The following AFDN variants were observed in gnomAD, a reference collection of about 807,000 sequenced individuals.
The protein encoded by AFDN is afadin.
AFDN carries 68 observed loss-of-function variants against 216.6 expected under a neutral mutation model. The ratio of observed to expected loss-of-function variants is 0.31; its 90% CI spans 0.26 to 0.38. The LOEUF is 0.38. Among genes scored for constraint, AFDN ranks in the 10% least tolerant of loss-of-function variants. The pLI, the probability that AFDN is intolerant of heterozygous loss-of-function variation, is 1.00. For missense variants in AFDN, 2,136 were observed against 2,342.0 expected, an observed-to-expected ratio of 0.91 and a Z score of 1.82; for synonymous variants, 868 against 853.7, an observed-to-expected ratio of 1.02 and a Z score of -0.29.
At chr6:167,927,208 G>A (rs1792665419) in intron 23 of AFDN, among the ~76,000 whole-genome samples, 1 of 152,140 alleles carries the variant, frequency 6.6e-6, no homozygotes, top group Non-Finnish European at 1.5e-5. Context: ...GTTGTGGAGG[G>A]CATCTTGGGA....
chr6:167,880,068 A>G (rs1413149311), intron 5 of AFDN, among the ~76,000 whole-genome samples: 1 of 152,174 alleles, frequency 6.6e-6, no homozygotes, highest in Non-Finnish European at 1.5e-5. Flanking sequence ...CTCACTATAG[A>G]TACGGAAATC....
In AFDN at chr6:167,951,201, CAAG is replaced by C. The variant is rs1795936701; in HGVS notation, c.3853_3855del (p.Glu1285del). ...CTTTTTGCAGCGTGTTACACGTTCC[CAAG>C]AAGAACTTCGAGAAGATAAAGCTTA... On this transcript the variant is annotated inframe_deletion, in exon 30 of 34. Coordinates refer to ENST00000683244, the MANE Select transcript of AFDN (RefSeq NM_001386888.1). The surrounding 1 kb of genome is among the most constrained non-coding windows in gnomAD (Gnocchi z 7.1). 1.3e-6 allele frequency: 2 copies of C among 1,558,936 alleles called. No homozygotes were observed. The highest frequency in any genetic ancestry group is 1.7e-6 in the Non-Finnish European group (2 of 1,155,854).
At chr6:167,947,628 A>C (rs922313368) in intron 27 of AFDN, among the ~76,000 whole-genome samples, 1 of 152,216 alleles carries the variant, frequency 6.6e-6, no homozygotes, top group Non-Finnish European at 1.5e-5. Flanking sequence ...CCTGATACAC[A>C]GAGCTACAAA....
intron 6 of AFDN, among the ~76,000 whole-genome samples, chr6:167,888,118 C>G (rs995350831): frequency 2.6e-4 from 39 of 152,038 alleles, no homozygotes; most frequent in African/African-American, 8.9e-4. Context: ...AAGATTGAGA[C>G]TAAAGAGATG....
At chr6:167,939,035 G>T (rs1402531506) in intron 23 of AFDN, among the ~76,000 whole-genome samples, 1 of 152,142 alleles carries the variant, frequency 6.6e-6, no homozygotes, top group Non-Finnish European at 1.5e-5. Context: ...CTAAGTAACT[G>T]TCATTTTTTT....
chr6:167,887,002 G>A (rs1256863997), intron 6 of AFDN, among the ~76,000 whole-genome samples: 1 of 125,420 alleles, frequency 8.0e-6, no homozygotes, highest in African/African-American at 3.0e-5. Context: ...GTGACAGAGC[G>A]AGACTGTATC....
At chr6:167,826,887 G>A (rs1011334439), upstream of AFDN, 63 of 144,806 alleles carry the variant, frequency 4.4e-4, no homozygotes, top group African/African-American at 1.5e-3. Flanking sequence ...GGCGGGTGCG[G>A]GCGGCGGGCG....
chr6:167,961,489 T>C (rs1797031201), intron 30 of AFDN, among the ~76,000 whole-genome samples: 1 of 152,152 alleles, frequency 6.6e-6, no homozygotes, highest in Non-Finnish European at 1.5e-5. Flanking sequence ...CAACCTATAG[T>C]GCATAGAGAT....
intron 23 of AFDN, among the ~76,000 whole-genome samples, chr6:167,936,699 C>T (rs150052393): frequency 1.3e-3 from 194 of 152,204 alleles, no homozygotes; most frequent in African/African-American, 4.4e-3. Context: ...ATCTGACCAG[C>T]AGCAGAGGCA....
chr6:167,970,495 C>T lies in AFDN; in HGVS notation c.*560C>T, dbSNP rs1797952624. ...TCTGTTCCCACAATATCCTTCTAGT[C>T]TGCATCGTGAAGTGGCTTAGGCCAA... On this transcript the variant is annotated 3_prime_UTR_variant, in exon 34 of 34. Transcript: ENST00000683244. 1 of 218,518 alleles carries T rather than the reference C, an allele frequency of 4.6e-6. No homozygotes were observed. The highest frequency in any genetic ancestry group is 2.2e-5 in the African/African-American group (1 of 44,536). 13.5% of individuals were successfully genotyped at this position (218,518 alleles called of 1,614,324 possible). A position where few individuals can be genotyped will look rare whatever the true frequency, so the allele number is the denominator to read the frequency against.
upstream of AFDN, chr6:167,826,862 G>GGCGGGCGGGGCGCGGGCGGGGC (rs1168647902): frequency 3.4e-5 from 5 of 145,382 alleles, no homozygotes; most frequent in Non-Finnish European, 7.6e-5. Context: ...CGCGCACGGC[G>GGCGGGCGGGGCGCGGGCGGGGC]GCGGGCGGGG....
intron 23 of AFDN, among the ~76,000 whole-genome samples, chr6:167,927,389 G>C (rs1229912071): frequency 6.6e-6 from 1 of 152,298 alleles, no homozygotes; most frequent in East Asian, 1.9e-4. Context: ...AGCAGAATAA[G>C]GAAGGCAGTG....
intron 31 of AFDN, chr6:167,965,127 G>A: frequency 1.1e-6 from 1 of 925,762 alleles, no homozygotes; most frequent in Non-Finnish European, 1.3e-6. Context: ...TTGTTAGATT[G>A]TTACTTTGGG....
Position 167,966,041 on chromosome 6 carries a change from A to T in AFDN, c.5253A>T (p.Leu1751=). 3 of 1,545,014 alleles carry T rather than the reference A, an allele frequency of 1.9e-6. No individual in the cohort carries two copies. The highest frequency in any genetic ancestry group is 2.6e-6 in the Non-Finnish European group (3 of 1,146,932). ...NEEEEEEDCS[L]AGPNSYPGST... ...AGGAGGAGGAGGAGGACTGCAGCCT[A>T]GCAGGTCAGGATAAGTACTCCAGCA... The change falls in exon 32 of 34, where the codon CTA becomes CTT. Residue 1751 remains leucine (L), a synonymous_variant. Coordinates refer to ENST00000683244, the MANE Select transcript of AFDN (RefSeq NM_001386888.1).
At position 167,964,099 on chromosome 6, in the gene AFDN, A is replaced by C. The variant is rs368970329; in HGVS notation, c.4968+1532A>C. ...TGCTGAGAAACTCTTGGGTTATTTA[A>C]TTTTTCCAATGTGTTTTCATAACTC... On this transcript the variant is annotated intron_variant, in intron 31 of 33. Coordinates refer to ENST00000683244, the MANE Select transcript of AFDN (RefSeq NM_001386888.1). 22 of 1,063,678 alleles carry C rather than the reference A, an allele frequency of 2.1e-5. No homozygotes were observed. In the African/African-American group the frequency reaches 2.5e-4, roughly 12 times the overall value. 65.9% of individuals were successfully genotyped at this position (1,063,678 alleles called of 1,614,324 possible). A position where few individuals can be genotyped will look rare whatever the true frequency, so the allele number is the denominator to read the frequency against.
intron 1 of AFDN, among the ~76,000 whole-genome samples, chr6:167,843,159 A>G (rs553406162): frequency 6.6e-6 from 1 of 152,132 alleles, no homozygotes; most frequent in Non-Finnish European, 1.5e-5. Context: ...ATGTGCAAAT[A>G]TTACCTCCAC....
At chr6:167,889,376 C>A (rs1209249026) in intron 7 of AFDN, 50 bp downstream of exon 7, 2 of 1,254,048 alleles carry the variant, frequency 1.6e-6, no homozygotes, top group Admixed American at 1.7e-5. Context: ...ATGTGATATA[C>A]CAGGTGTTCA....
chr6:167,925,860 AT>A (rs1413951160), intron 23 of AFDN, among the ~76,000 whole-genome samples: 1 of 151,840 alleles, frequency 6.6e-6, no homozygotes, highest in Admixed American at 6.5e-5. Flanking sequence ...TGAAACAAAT[AT>A]GTGTTTAGCT....
intron 23 of AFDN, 74 bp from the exon 24 acceptor site, chr6:167,943,055 G>A: frequency 7.9e-7 from 1 of 1,258,026 alleles, no homozygotes; most frequent in Non-Finnish European, 1.1e-6. Flanking sequence ...TTTTATTTTT[G>A]TTTTACTTTC....
Sources: allele counts gnomAD v4.1 joint callset (sites outside exome capture counted in the v4.1 genomes callset), GRCh38; gene constraint gnomAD v4.1.1; non-coding constraint Gnocchi (gnomAD v3.1); transcripts MANE v1.5; gene names NCBI Gene and HGNC (gene_info 2026-07-23, HGNC 2026-07-21).